Variants in ANO3 observed in about 807,000 individuals in gnomAD.
The protein encoded by ANO3 is anoctamin 3, also known as anoctamin-3.
Under a neutral mutation model 144.8 loss-of-function variants are expected in ANO3, and 99 were observed. The observed-to-expected ratio is 0.68, with a 90% confidence interval of 0.58 to 0.81. The LOEUF is 0.81. ANO3 is among the 30% of genes least tolerant of loss of function. The pLI, the probability that ANO3 is intolerant of heterozygous loss-of-function variation, is 0.00. For synonymous variants in ANO3, 414 were observed against 392.6 expected, an observed-to-expected ratio of 1.05 and a Z score of -0.64; for missense variants, 905 against 1,202.2, an observed-to-expected ratio of 0.75 and a Z score of 3.66.
At chr11:26,317,039 G>T (rs1339328066) in intron 1 of ANO3, among the ~76,000 whole-genome samples, 1 of 152,180 alleles carries the variant, frequency 6.6e-6, no homozygotes, top group Non-Finnish European at 1.5e-5. Context: ...CGCATTCAGT[G>T]TAATAACTAA....
intron 1 of ANO3, among the ~76,000 whole-genome samples, chr11:26,370,984 A>G (rs1170048881): frequency 6.6e-6 from 1 of 152,218 alleles, no homozygotes; most frequent in Non-Finnish European, 1.5e-5. Flanking sequence ...TGCTTCAGCA[A>G]TTTGTGTAAG....
rs935248599 is a variant in ANO3 at position 26,559,535 on chromosome 11, C to T, written c.1387-184C>T. On this transcript the variant is annotated intron_variant, in intron 13 of 26. Transcript: ENST00000256737. ...GCTAATGTTGTTTCTTCACCTCTCC[C>T]CATGAGAAAAATCATGTGAAATTGT... 4.1e-5 allele frequency: 23 copies of T among 567,216 alleles called. No homozygotes were observed. The South Asian group carries it at 4.9e-4, about 12-fold the overall frequency. 35.1% of individuals were successfully genotyped at this position (567,216 alleles called of 1,614,324 possible). A position where few individuals can be genotyped will look rare whatever the true frequency, so the allele number is the denominator to read the frequency against.
chr11:26,598,554 T>C lies in ANO3; in HGVS notation c.1530+107T>C, dbSNP rs10835009. 0.32 allele frequency: 238,074 copies of C among 748,912 alleles called. 39,772 individuals are homozygous for C. The highest frequency in any genetic ancestry group is 0.46 in the South Asian group (20,560 of 45,152). 46.4% of individuals were successfully genotyped at this position (748,912 alleles called of 1,614,324 possible). On this transcript the variant is annotated intron_variant, in intron 15 of 26. Transcript: ENST00000256737. ...AAGCAGTTAACCACCATTAGATTTT[T>C]CCCTTGATCTTTCCTACTAAAAAGA...
chr11:26,521,413 C>A (rs1862071689), intron 6 of ANO3, among the ~76,000 whole-genome samples: 1 of 152,106 alleles, frequency 6.6e-6, no homozygotes, highest in African/African-American at 2.4e-5. Flanking sequence ...TCTGCAAGTT[C>A]TTTTCTTCCT....
intron 24 of ANO3, among the ~76,000 whole-genome samples, chr11:26,653,841 A>T (rs759922857): frequency 3.1e-4 from 47 of 152,130 alleles, no homozygotes; most frequent in Non-Finnish European, 5.9e-4. Flanking sequence ...CCCTTAGCCT[A>T]ATCTATTATG....
intron 1 of ANO3, among the ~76,000 whole-genome samples, chr11:26,271,319 G>A (rs140910931): frequency 0.012 from 1,755 of 152,300 alleles, 16 homozygotes; most frequent in Non-Finnish European, 0.015. Context: ...TCTTATGGGA[G>A]GTAAACTTGC....
chr11:26,587,828 C>A (rs1355051596), intron 14 of ANO3, among the ~76,000 whole-genome samples: 2 of 151,406 alleles, frequency 1.3e-5, no homozygotes, highest in African/African-American at 2.4e-5. Context: ...TGGTGGTGTG[C>A]ACCTCTAGTC....
chr11:26,190,491 AAATT>A (rs1281987838), intron 1 of ANO3, among the ~76,000 whole-genome samples: 1 of 152,160 alleles, frequency 6.6e-6, no homozygotes, highest in Non-Finnish European at 1.5e-5. Context: ...AGAAGTAGGG[AAATT>A]AATTTTTTAC....
intron 4 of ANO3, among the ~76,000 whole-genome samples, chr11:26,491,345 G>C (rs1282853486): frequency 6.6e-6 from 1 of 152,102 alleles, no homozygotes; most frequent in Non-Finnish European, 1.5e-5. Context: ...CTAGACCAAG[G>C]ACCACATAAA....
intron 1 of ANO3, among the ~76,000 whole-genome samples, chr11:26,320,156 G>A (rs1854724121): frequency 6.6e-6 from 1 of 152,140 alleles, no homozygotes; most frequent in African/African-American, 2.4e-5. Flanking sequence ...AGTTCCTGTA[G>A]AGAAAAAGAG....
At chr11:26,234,989 GAGAGAGAAAAGAA>G (rs1852484338) in intron 1 of ANO3, among the ~76,000 whole-genome samples, 1 of 149,522 alleles carries the variant, frequency 6.7e-6, no homozygotes, top group Admixed American at 6.7e-5. Flanking sequence ...TAGACAGAGA[GAGAGAGAAAAGAA>G]AGAGAGAGAG....
chr11:26,496,993 T>TAC (rs1459164862), intron 4 of ANO3, among the ~76,000 whole-genome samples: 13 of 129,790 alleles, frequency 1.0e-4, no homozygotes, highest in African/African-American at 3.6e-4. Context: ...TATATATATA[T>TAC]ATACACACAC....
chr11:26,508,056 A>G (rs760689501), intron 4 of ANO3, 48 bp from the exon 5 acceptor site: 13 of 1,525,082 alleles, frequency 8.5e-6, no homozygotes, highest in Non-Finnish European at 1.1e-5. Context: ...ACTAAAACAT[A>G]CATGCTTGTC....
chr11:26,454,973 C>A (rs796098762), intron 3 of ANO3, among the ~76,000 whole-genome samples: 4 of 147,466 alleles, frequency 2.7e-5, no homozygotes, highest in African/African-American at 9.8e-5. Flanking sequence ...AGACAAAAAC[C>A]ACATGATTAT....
At chr11:26,230,796 CCAAAAAAAAAAAAAAAAAAAAAAAAAAAA>C (rs1852376720) in intron 1 of ANO3, among the ~76,000 whole-genome samples, 1 of 79,456 alleles carries the variant, frequency 1.3e-5, no homozygotes, top group Admixed American at 1.4e-4. Flanking sequence ...GACTCCATCT[CCAAAAAAAAAAAAAAAAAAAAAAAAAAAA>C]AAAAAAAAAA....
rs1273413070 is a variant in ANO3, at chr11:26,656,146, C to T, written c.2598C>T (p.Asn866=). Residue 866 remains asparagine (N), a synonymous_variant, in exon 25 of 27, where the codon AAC becomes AAT. Transcript: ENST00000256737. ...PSENCLKGYV[N]NSLSFFDLSE... ...CCAGTTGCTTGAAGGGATATGTCAA[C>T]AATAGCCTATCCTTCTTTGACCTGA... 2 of 1,613,430 alleles carry T rather than the reference C, an allele frequency of 1.2e-6. No individual in the cohort carries two copies. Among genetic ancestry groups the T allele is most frequent in the East Asian group, 4.5e-5 (2 of 44,862 alleles).
At chr11:26,502,754 C>G (rs1268799069) in intron 4 of ANO3, among the ~76,000 whole-genome samples, 1 of 151,640 alleles carries the variant, frequency 6.6e-6, no homozygotes, top group Non-Finnish European at 1.5e-5. Context: ...GATAAAATCC[C>G]TGAAAGTTTT....
At chr11:26,636,123 C>G (rs573424123) in intron 20 of ANO3, among the ~76,000 whole-genome samples, 93 of 152,178 alleles carry the variant, frequency 6.1e-4, no homozygotes, top group African/African-American at 2.1e-3. Context: ...TCCCTTGAGC[C>G]CAGGAGTTCG....
At chr11:26,553,003 C>CACAAGTATAAAAATGGCCTGTTATCATT (rs145559609) in intron 12 of ANO3, among the ~76,000 whole-genome samples, 1 of 151,596 alleles carries the variant, frequency 6.6e-6, no homozygotes, top group African/African-American at 2.4e-5. Flanking sequence ...CCATTTATCA[C>CACAAGTATAAAAATGGCCTGTTATCATT]ACAATTATCT....
Sources: allele counts gnomAD v4.1 joint callset (sites outside exome capture counted in the v4.1 genomes callset), GRCh38; gene constraint gnomAD v4.1.1; transcripts MANE v1.5; gene names NCBI Gene and HGNC (gene_info 2026-07-23, HGNC 2026-07-21).